The following MAF variants were observed in gnomAD, a reference collection of about 807,000 sequenced individuals.
The protein encoded by MAF is transcription factor Maf.
In MAF, 10 loss-of-function variants were observed where a neutral mutation model predicts 22.0. The ratio of observed to expected loss-of-function variants is 0.45; its 90% CI spans 0.28 to 0.77. The LOEUF is 0.77. Ranked by LOEUF, MAF falls within the 30% of genes least tolerant of loss-of-function variation. MAF has a pLI of 0.12. For missense variants in MAF, 544 were observed against 548.4 expected, an observed-to-expected ratio of 0.99 and a Z score of 0.08; for synonymous variants, 337 against 255.8, an observed-to-expected ratio of 1.32 and a Z score of -3.03.
the MAF span, among the ~76,000 whole-genome samples, chr16:79,286,358 C>G: frequency 3.3e-5 from 5 of 152,142 alleles, no homozygotes; most frequent in Admixed American, 3.3e-4. Context: ...TCTGTACTAT[C>G]CTCTGCTAGA....
the MAF span, among the ~76,000 whole-genome samples, chr16:79,565,113 A>G: frequency 6.6e-6 from 1 of 152,182 alleles, no homozygotes; most frequent in South Asian, 2.1e-4. Flanking sequence ...AACTAGTCCC[A>G]GGGTGTTCAC....
chr16:79,205,724 A>C, the MAF span: 1 of 152,224 alleles, frequency 6.6e-6, no homozygotes, highest in Non-Finnish European at 1.5e-5. Flanking sequence ...GCATGTGTCT[A>C]AGGCTGGATT....
the MAF span, among the ~76,000 whole-genome samples, chr16:79,335,941 T>C: frequency 8.7e-3 from 1,329 of 152,228 alleles, 22 homozygotes; most frequent in African/African-American, 0.03. Flanking sequence ...TGTTTAGAAA[T>C]AGACAATTCC....
intron 1 of MAF, chr16:79,594,989 G>C: frequency 9.3e-7 from 1 of 1,076,588 alleles, no homozygotes; most frequent in South Asian, 4.1e-5. Flanking sequence ...TGAGATAACT[G>C]CAATAACTAC....
At chr16:79,317,492 T>C in the MAF span, among the ~76,000 whole-genome samples, 7 of 138,094 alleles carry the variant, frequency 5.1e-5, no homozygotes, top group Non-Finnish European at 1.1e-4. Flanking sequence ...CCTCCCTCCG[T>C]TCTCCCTTTC....
At chr16:79,376,834 T>C in the MAF span, among the ~76,000 whole-genome samples, 1 of 152,172 alleles carries the variant, frequency 6.6e-6, no homozygotes, top group Non-Finnish European at 1.5e-5. Flanking sequence ...TCATCCATGT[T>C]CCTACAAAGG....
At chr16:79,539,912 A>G in the MAF span, among the ~76,000 whole-genome samples, 4 of 152,168 alleles carry the variant, frequency 2.6e-5, no homozygotes, top group African/African-American at 9.7e-5. Flanking sequence ...TGAAATTATG[A>G]GTGATTTTTA....
chr16:79,269,869 C>T, the MAF span, among the ~76,000 whole-genome samples: 1 of 152,142 alleles, frequency 6.6e-6, no homozygotes, highest in East Asian at 1.9e-4. Context: ...GAGGTTTGGC[C>T]TTAGCTCCAT....
chr16:79,592,570 C>A (rs904207742), downstream of MAF, among the ~76,000 whole-genome samples: 2 of 152,328 alleles, frequency 1.3e-5, no homozygotes, highest in Admixed American at 1.3e-4. Flanking sequence ...CCTGGACCAC[C>A]TCCTTTATAA....
the MAF span, among the ~76,000 whole-genome samples, chr16:79,422,890 G>C: frequency 2.7e-4 from 41 of 152,260 alleles, no homozygotes; most frequent in South Asian, 8.3e-4. Flanking sequence ...GTCATGGAGA[G>C]ACAGATACTA....
At chr16:79,385,367 C>T in the MAF span, among the ~76,000 whole-genome samples, 2 of 152,072 alleles carry the variant, frequency 1.3e-5, no homozygotes, top group East Asian at 3.9e-4. Flanking sequence ...TGTCTCTGCC[C>T]GAGTGAGGGT....
At chr16:79,341,015 G>A in the MAF span, among the ~76,000 whole-genome samples, 1 of 152,206 alleles carries the variant, frequency 6.6e-6, no homozygotes, top group African/African-American at 2.4e-5. Context: ...AAGAGCTGGA[G>A]AAGAGCCTTC....
the MAF span, among the ~76,000 whole-genome samples, chr16:79,300,949 G>C: frequency 6.6e-6 from 1 of 151,886 alleles, no homozygotes; most frequent in Admixed American, 6.6e-5. Flanking sequence ...ATGAAGAGGA[G>C]AAGAAAGCAA....
chr16:79,244,387 T>C, the MAF span, among the ~76,000 whole-genome samples: 1 of 152,062 alleles, frequency 6.6e-6, no homozygotes, highest in Non-Finnish European at 1.5e-5. Context: ...ACAAAATCAA[T>C]GTGCAAAAAT....
chr16:79,548,072 T>C, the MAF span, among the ~76,000 whole-genome samples: 1 of 152,296 alleles, frequency 6.6e-6, no homozygotes, highest in African/African-American at 2.4e-5. Context: ...TGGTTTGATA[T>C]AGTGGTTGTT....
At chr16:79,468,694 GC>G in the MAF span, among the ~76,000 whole-genome samples, 2 of 152,180 alleles carry the variant, frequency 1.3e-5, no homozygotes, top group African/African-American at 4.8e-5. Flanking sequence ...TGGTAACGTG[GC>G]CCCCATGCCT....
the MAF span, among the ~76,000 whole-genome samples, chr16:79,252,121 G>T: frequency 1.3e-5 from 2 of 152,214 alleles, no homozygotes; most frequent in African/African-American, 4.8e-5. Flanking sequence ...CTCTGGTTCT[G>T]TCAGGCAGGA....
the MAF span, among the ~76,000 whole-genome samples, chr16:79,374,806 T>C: frequency 1.2e-4 from 19 of 152,332 alleles, no homozygotes; most frequent in African/African-American, 4.3e-4. Context: ...GACTTTGTGT[T>C]TTATAGTATC....
At chr16:79,464,482 T>C in the MAF span, among the ~76,000 whole-genome samples, 4 of 152,192 alleles carry the variant, frequency 2.6e-5, no homozygotes, top group Non-Finnish European at 4.4e-5. Context: ...GTCAACACCT[T>C]GAATGATTTC....
Sources: allele counts gnomAD v4.1 joint callset (sites outside exome capture counted in the v4.1 genomes callset), GRCh38; gene constraint gnomAD v4.1.1; transcripts MANE v1.5; gene names NCBI Gene and HGNC (gene_info 2026-07-23, HGNC 2026-07-21).